Variants in KCNAB1 observed in about 807,000 individuals in gnomAD.
KCNAB1 encodes potassium voltage-gated channel subfamily A regulatory beta subunit 1, also known as voltage-gated potassium channel subunit beta-1.
In KCNAB1, 35 loss-of-function variants were observed where a neutral mutation model predicts 64.6. The ratio of observed to expected loss-of-function variants is 0.54; its 90% CI spans 0.41 to 0.72. The LOEUF is 0.72. Ranked by LOEUF, KCNAB1 falls within the 30% of genes least tolerant of loss-of-function variation. KCNAB1 has a pLI of 0.00. For missense variants in KCNAB1, 401 were observed against 512.9 expected, an observed-to-expected ratio of 0.78 and a Z score of 2.11; for synonymous variants, 177 against 183.8, an observed-to-expected ratio of 0.96 and a Z score of 0.30.
At chr3:156,237,264 G>T (rs1716904427) in intron 1 of KCNAB1, among the ~76,000 whole-genome samples, 1 of 152,160 alleles carries the variant, frequency 6.6e-6, no homozygotes, top group South Asian at 2.1e-4. Context: ...AATTTTAAAA[G>T]TCTAAATGAA....
At chr3:156,341,761 A>G (rs1349558653) in intron 1 of KCNAB1, among the ~76,000 whole-genome samples, 1 of 152,248 alleles carries the variant, frequency 6.6e-6, no homozygotes, top group Non-Finnish European at 1.5e-5. Context: ...GTGCATACAT[A>G]CATATACATA....
At chr3:156,181,852 G>A (rs1432615220) in intron 1 of KCNAB1, among the ~76,000 whole-genome samples, 2 of 152,254 alleles carry the variant, frequency 1.3e-5, no homozygotes, top group East Asian at 3.9e-4. Context: ...CTCAATTTAG[G>A]ACATGTCAAG....
intron 1 of KCNAB1, among the ~76,000 whole-genome samples, chr3:156,297,261 T>A (rs1157481229): frequency 1.1e-4 from 8 of 72,024 alleles, no homozygotes; most frequent in Admixed American, 3.7e-4. Context: ...GAGGTTGGCT[T>A]TTTTTTTTTT....
chr3:156,486,685 C>T (rs923404699), intron 8 of KCNAB1, among the ~76,000 whole-genome samples: 2 of 151,346 alleles, frequency 1.3e-5, no homozygotes, highest in African/African-American at 4.9e-5. Context: ...GAGTCCTGCC[C>T]TTCAGGGCCT....
At chr3:156,204,484 C>G (rs1714532771) in intron 1 of KCNAB1, among the ~76,000 whole-genome samples, 1 of 152,124 alleles carries the variant, frequency 6.6e-6, no homozygotes, top group Non-Finnish European at 1.5e-5. Flanking sequence ...GAGACACTTC[C>G]CTCTGTTTAG....
intron 5 of KCNAB1, chr3:156,460,523 AT>A (rs1356067985): frequency 6.6e-6 from 1 of 152,164 alleles, no homozygotes; most frequent in African/African-American, 2.4e-5. Context: ...ATACTTCCCC[AT>A]TTCACTATAG....
chr3:156,293,464 C>T (rs997928567), intron 1 of KCNAB1, among the ~76,000 whole-genome samples: 2 of 152,206 alleles, frequency 1.3e-5, no homozygotes, highest in East Asian at 3.8e-4. Context: ...AGCATTTAAA[C>T]CTGTTTTTAT....
intron 1 of KCNAB1, among the ~76,000 whole-genome samples, chr3:156,410,336 C>T (rs1484668092): frequency 1.3e-5 from 2 of 151,876 alleles, no homozygotes; most frequent in African/African-American, 4.8e-5. Context: ...CTTAGCTTTA[C>T]AATATCCAGT....
At chr3:156,467,865 T>C (rs1344450942) in intron 7 of KCNAB1, among the ~76,000 whole-genome samples, 4 of 152,154 alleles carry the variant, frequency 2.6e-5, no homozygotes, top group African/African-American at 4.8e-5. Context: ...TCCTGTTAGA[T>C]GAGCTGGTCT....
chr3:156,330,509 T>C (rs1204957105), intron 1 of KCNAB1, among the ~76,000 whole-genome samples: 1 of 152,204 alleles, frequency 6.6e-6, no homozygotes, highest in Admixed American at 6.5e-5. Flanking sequence ...CCCCCAGTGC[T>C]AGGTCTTAGT....
intron 1 of KCNAB1, among the ~76,000 whole-genome samples, chr3:156,263,811 G>A (rs544820390): frequency 6.6e-6 from 1 of 152,092 alleles, no homozygotes; most frequent in African/African-American, 2.4e-5. Context: ...TATTTTTATT[G>A]TTGACTTGCT....
chr3:156,178,005 G>A (rs1308353253), intron 1 of KCNAB1, among the ~76,000 whole-genome samples: 19 of 152,120 alleles, frequency 1.2e-4, no homozygotes, highest in Non-Finnish European at 1.5e-5. Context: ...CAAAGCGCTG[G>A]GATTACAGGT....
At chr3:156,253,818 G>A (rs954590120) in intron 1 of KCNAB1, among the ~76,000 whole-genome samples, 7 of 152,226 alleles carry the variant, frequency 4.6e-5, no homozygotes, top group Admixed American at 2.6e-4. Flanking sequence ...AGGACCAGGC[G>A]TCTGTTTTAA....
At chr3:156,171,180 A>G (rs1374755368) in intron 1 of KCNAB1, among the ~76,000 whole-genome samples, 1 of 96,900 alleles carries the variant, frequency 1.0e-5, no homozygotes, top group African/African-American at 4.0e-5. Flanking sequence ...ATAGTTAGAA[A>G]CTTCACGCAC....
rs761109052 is a variant in KCNAB1 at position 156,457,462 on chromosome 3, C to T, written c.367C>T (p.Arg123Trp). ...GGQISDEVAERLMTIAYESGV... is the reference protein window; with the variant it reads ...GGQISDEVAEWLMTIAYESGV... The stretch of plus-strand genomic sequence containing the variant: ...TTCTCTCCCCTTGCAGGTTGCTGAA[C>T]GGCTGATGACCATCGCCTATGAAAG... Residue 123 changes from arginine to tryptophan, a missense_variant, in exon 4 of 14, where the codon CGG (arginine) becomes TGG (tryptophan). Physicochemically the swap from Arg to Trp is moderately radical, Grantham distance 101 (BLOSUM62 -3). Coordinates refer to ENST00000490337, the MANE Select transcript of KCNAB1 (RefSeq NM_172160.3). 14 of 1,613,656 alleles carry T rather than the reference C, an allele frequency of 8.7e-6. No individual in the cohort carries two copies. Among genetic ancestry groups the T allele is most frequent in the African/African-American group, 8.0e-5 (6 of 74,878 alleles).
At chr3:156,224,719 C>T (rs1385196551) in intron 1 of KCNAB1, among the ~76,000 whole-genome samples, 1 of 151,988 alleles carries the variant, frequency 6.6e-6, no homozygotes, top group East Asian at 1.9e-4. Context: ...AAATGAGCTC[C>T]ATTAGAAATG....
At chr3:156,389,030 T>C (rs1022682669) in intron 1 of KCNAB1, among the ~76,000 whole-genome samples, 1 of 152,200 alleles carries the variant, frequency 6.6e-6, no homozygotes, top group African/African-American at 2.4e-5. Context: ...CACTGAAGCC[T>C]CCAGTTCCAC....
chr3:156,455,430 A>T (rs1712331429), intron 3 of KCNAB1, among the ~76,000 whole-genome samples: 1 of 152,256 alleles, frequency 6.6e-6, no homozygotes, highest in Admixed American at 6.5e-5. Context: ...CAAACTCTGT[A>T]AGGTGCCTCT....
At chr3:156,254,892 G>A (rs1473656841) in intron 1 of KCNAB1, among the ~76,000 whole-genome samples, 12 of 152,180 alleles carry the variant, frequency 7.9e-5, no homozygotes, top group Admixed American at 1.3e-4. Flanking sequence ...ACCGTATAAA[G>A]CAGGCAGACT....
Sources: gnomAD v4.1 joint callset for allele counts (sites outside exome capture counted in the v4.1 genomes callset) on GRCh38, gnomAD v4.1.1 for gene constraint, MANE v1.5 for transcripts, NCBI Gene and HGNC (gene_info 2026-07-23, HGNC 2026-07-21) for gene names.